Variants in SHLD2 observed in about 807,000 individuals in gnomAD.
SHLD2 encodes RINN1-REV7-interacting novel NHEJ regulator 2.
A neutral mutation model predicts 73.2 loss-of-function variants in SHLD2; 30 were observed. The ratio of observed to expected loss-of-function variants is 0.41; its 90% CI spans 0.31 to 0.56. The LOEUF (loss-of-function observed/expected upper bound fraction) is 0.56. Among genes scored for constraint, SHLD2 ranks in the 20% least tolerant of loss-of-function variants. SHLD2 has a pLI of 0.28. For missense variants in SHLD2, 745 were observed against 1,055.9 expected, an observed-to-expected ratio of 0.71 and a Z score of 4.08; for synonymous variants, 285 against 370.1, an observed-to-expected ratio of 0.77 and a Z score of 2.64.
At chr10:87,107,110 A>AGG (rs1842649144) in intron 2 of SHLD2, among the ~76,000 whole-genome samples, 1 of 150,326 alleles carries the variant, frequency 6.7e-6, no homozygotes, top group African/African-American at 2.4e-5. Flanking sequence ...AAAAAAAAAG[A>AGG]GATTTAAAAT....
At chr10:87,139,391 A>G (rs1229665728) in intron 2 of SHLD2, among the ~76,000 whole-genome samples, 2 of 151,732 alleles carry the variant, frequency 1.3e-5, no homozygotes, top group African/African-American at 4.8e-5. Context: ...TTAATAATAT[A>G]TTAATGAAAG....
intron 2 of SHLD2, among the ~76,000 whole-genome samples, chr10:87,134,088 G>A (rs1306462541): frequency 1.3e-5 from 2 of 152,200 alleles, no homozygotes; most frequent in South Asian, 4.1e-4. Context: ...ACAGGAAACT[G>A]CTTTGAAAAG....
At chr10:87,153,581 C>T (rs943047737) in intron 3 of SHLD2, among the ~76,000 whole-genome samples, 12 of 152,268 alleles carry the variant, frequency 7.9e-5, no homozygotes, top group African/African-American at 2.9e-4. Context: ...AGAGTGTTGC[C>T]TTCCAGTTAT....
At chr10:87,106,179 A>G (rs1842581312) in intron 2 of SHLD2, among the ~76,000 whole-genome samples, 1 of 151,934 alleles carries the variant, frequency 6.6e-6, no homozygotes, top group Non-Finnish European at 1.5e-5. Flanking sequence ...AATTTTTTGT[A>G]TTTTTAGTAG....
intron 2 of SHLD2, among the ~76,000 whole-genome samples, chr10:87,109,518 C>T (rs1842798535): frequency 1.3e-5 from 2 of 152,092 alleles, no homozygotes; most frequent in Admixed American, 6.6e-5. Context: ...AGGCTGGTCT[C>T]GAACTCCTGG....
intron 2 of SHLD2, among the ~76,000 whole-genome samples, chr10:87,121,157 C>T (rs905879840): frequency 9.2e-5 from 14 of 152,096 alleles, no homozygotes; most frequent in Non-Finnish European, 1.5e-4. Context: ...CAGGGTCTTA[C>T]TCTGTGGCCC....
At chr10:87,107,020 A>T (rs541085500) in intron 2 of SHLD2, among the ~76,000 whole-genome samples, 43 of 150,634 alleles carry the variant, frequency 2.9e-4, no homozygotes, top group African/African-American at 1.0e-3. Flanking sequence ...GCATTCTTGG[A>T]GGGCCATCGA....
At chr10:87,135,052 T>C (rs1002985523) in intron 2 of SHLD2, among the ~76,000 whole-genome samples, 1 of 152,130 alleles carries the variant, frequency 6.6e-6, no homozygotes, top group Non-Finnish European at 1.5e-5. Context: ...ACTTGAATTT[T>C]TGAAATAGTT....
intron 7 of SHLD2, among the ~76,000 whole-genome samples, chr10:87,176,728 T>TG (rs1847973366): frequency 1.3e-5 from 2 of 152,200 alleles, no homozygotes; most frequent in African/African-American, 2.4e-5. Context: ...TGTTTTCCAA[T>TG]ATATGATTGA....
chr10:87,119,019 A>G (rs1843424171), intron 2 of SHLD2, among the ~76,000 whole-genome samples: 1 of 151,510 alleles, frequency 6.6e-6, no homozygotes, highest in Non-Finnish European at 1.5e-5. Context: ...GAAAGTTCTC[A>G]ATGTTAATTA....
At position 87,152,132 on chromosome 10, in the gene SHLD2, A is replaced by G. The variant is rs1401145656; in HGVS notation, c.778A>G (p.Lys260Glu). ...TGCTTTTTTAGCTCAAAAGAAAGAT[A>G]AAAGGCGGAGTCCTGTAAATAAAGG... is the stretch of plus-strand genomic sequence containing the variant. ...QVAFLAQKKD[K>E]RRSPVNKGNV... is the part of the protein sequence containing the mutation. The change falls in exon 3 of 10, where the codon AAA (lysine) becomes GAA (glutamate). Residue 260 changes from lysine to glutamate, a missense_variant. Physicochemically the swap from Lys to Glu is moderately conservative, Grantham distance 56 (BLOSUM62 1). This residue lies in a region of SHLD2 where 280 missense variants were observed against 353.9 expected (regional missense o/e 0.79). Coordinates refer to ENST00000298786, the MANE Select transcript of SHLD2 (RefSeq NM_001330112.2). The G allele has an allele frequency of 6.2e-7, 1 of 1,611,882 alleles. No individual in the cohort carries two copies. The highest frequency in any genetic ancestry group is 1.1e-5 in the South Asian group (1 of 90,986).
At chr10:87,106,372 C>G (rs7087038) in intron 2 of SHLD2, among the ~76,000 whole-genome samples, 48,317 of 152,078 alleles carry the variant, frequency 0.32, 8,431 homozygotes, top group East Asian at 0.74. Flanking sequence ...CTGACTTGCT[C>G]TCTGCTGTCT....
rs1172949939 is a variant in SHLD2 at position 87,151,604 on chromosome 10, A to G, written c.250A>G (p.Arg84Gly). ...TCATTTCTTAGCAAACTGTATGAAT[A>G]GACATGTTCATGTGAAAGATGACTT... ...SGHFLANCMNRHVHVKDDFVR... is the reference protein window; with the variant it reads ...SGHFLANCMNGHVHVKDDFVR... Residue 84 changes from arginine to glycine, a missense_variant, in exon 3 of 10, where the codon AGA becomes GGA. By Grantham distance (125) the Arg-to-Gly change is moderately radical. Transcript: ENST00000298786. 3.1e-6 allele frequency: 5 copies of G among 1,611,652 alleles called. No individual in the cohort carries two copies. In the Admixed American group the frequency reaches 6.7e-5, roughly 21 times the overall value.
chr10:87,098,615 G>A (rs1016462056), intron 2 of SHLD2, among the ~76,000 whole-genome samples: 4 of 151,598 alleles, frequency 2.6e-5, no homozygotes, highest in African/African-American at 9.7e-5. Context: ...CTGTGTATCT[G>A]ACTCCAAAGT....
chr10:87,127,845 C>G (rs1357567877), intron 2 of SHLD2, among the ~76,000 whole-genome samples: 2 of 151,868 alleles, frequency 1.3e-5, no homozygotes, highest in Non-Finnish European at 2.9e-5. Flanking sequence ...AGCAGAAGCA[C>G]AGAAACCCAA....
chr10:87,102,884 T>C (rs1384803950), intron 2 of SHLD2, among the ~76,000 whole-genome samples: 7 of 151,994 alleles, frequency 4.6e-5, no homozygotes, highest in Non-Finnish European at 8.8e-5. Flanking sequence ...AAGAGATTAC[T>C]TTTTCTGAGT....
chr10:87,158,586 A>G (rs556695178), intron 4 of SHLD2, among the ~76,000 whole-genome samples: 3 of 152,188 alleles, frequency 2.0e-5, no homozygotes, highest in African/African-American at 7.2e-5. Context: ...ATAAAAATGT[A>G]TTGGTCTCGT....
intron 4 of SHLD2, among the ~76,000 whole-genome samples, chr10:87,169,038 A>G (rs576232119): frequency 2.8e-4 from 43 of 152,344 alleles, no homozygotes; most frequent in South Asian, 8.3e-4. Flanking sequence ...TATTAAATAT[A>G]TAAGTCAAAG....
chr10:87,152,007 C>T lies in SHLD2; in HGVS notation c.653C>T (p.Ala218Val). 1 of 1,611,892 alleles carries T rather than the reference C, an allele frequency of 6.2e-7. No homozygotes were observed. Among genetic ancestry groups the T allele is most frequent in the Non-Finnish European group, 8.5e-7 (1 of 1,179,794 alleles). Residue 218 changes from alanine to valine, a missense_variant, in exon 3 of 10, where the codon GCA becomes GTA. Around this residue, in one of 5 missense-constraint regions of SHLD2, gnomAD observed 280 missense variants for 353.9 expected, o/e 0.79. Coordinates refer to ENST00000298786, the MANE Select transcript of SHLD2 (RefSeq NM_001330112.2). ...NQCLGLFSSN[A>V]VDKSRSEAAV... ...TGTTTGGGATTATTTTCCTCGAACGCAGTAGATAAGTCAAGGTCTGAAGCA... is the reference window on the plus strand; with the variant it reads ...TGTTTGGGATTATTTTCCTCGAACGTAGTAGATAAGTCAAGGTCTGAAGCA...
Sources: gnomAD v4.1 joint callset for allele counts (sites outside exome capture counted in the v4.1 genomes callset) on GRCh38, gnomAD v4.1.1 for gene constraint, gnomAD v4.1.1 regional missense constraint, MANE v1.5 for transcripts, NCBI Gene and HGNC (gene_info 2026-07-23, HGNC 2026-07-21) for gene names.